The following NRXN1 variants were observed in gnomAD, a reference collection of about 807,000 sequenced individuals.
NRXN1 encodes the protein neurexin 1.
Under a neutral mutation model 150.9 loss-of-function variants are expected in NRXN1, and 39 were observed. That is an observed-to-expected ratio of 0.26 (90% CI 0.20 to 0.34). The LOEUF (loss-of-function observed/expected upper bound fraction) is 0.34, where lower values mean the gene tolerates loss of function less well. Ranked by LOEUF, NRXN1 falls within the 10% of genes least tolerant of loss-of-function variation. The probability of loss-of-function intolerance (pLI) is 1.00; values close to 1 mark genes in which losing one functional copy is unlikely to be tolerated. For missense variants in NRXN1, 1,815 were observed against 1,949.9 expected, an observed-to-expected ratio of 0.93 and a Z score of 1.30; for synonymous variants, 924 against 757.0, an observed-to-expected ratio of 1.22 and a Z score of -3.62.
At chr2:51,026,123 A>C (rs573801649) in intron 2 of NRXN1, among the ~76,000 whole-genome samples, 1 of 152,346 alleles carries the variant, frequency 6.6e-6, no homozygotes, top group Non-Finnish European at 1.5e-5. Flanking sequence ...AGATTTACAA[A>C]GGCTAGTTCC....
At chr2:50,514,000 T>C (rs1208588856) in intron 12 of NRXN1, among the ~76,000 whole-genome samples, 1 of 152,156 alleles carries the variant, frequency 6.6e-6, no homozygotes, top group Non-Finnish European at 1.5e-5. Context: ...CTGCTTCTGG[T>C]ATATATATAC....
chr2:50,968,775 AGTT>A (rs1487023909), intron 2 of NRXN1, among the ~76,000 whole-genome samples: 4 of 152,096 alleles, frequency 2.6e-5, no homozygotes, highest in Non-Finnish European at 2.9e-5. Flanking sequence ...AACACATAAT[AGTT>A]GAGTTTTGTC....
intron 17 of NRXN1, among the ~76,000 whole-genome samples, chr2:50,313,338 C>A (rs1359861428): frequency 6.6e-6 from 1 of 152,032 alleles, no homozygotes; most frequent in Non-Finnish European, 1.5e-5. Context: ...TAATATTGCT[C>A]CTCTGAGTGC....
At chr2:50,590,236 G>C (rs983224445) in intron 8 of NRXN1, among the ~76,000 whole-genome samples, 1 of 152,106 alleles carries the variant, frequency 6.6e-6, no homozygotes, top group South Asian at 2.1e-4. Flanking sequence ...ATTTTATCAA[G>C]ATTGTATTTA....
At chr2:50,652,575 T>C (rs1415465919) in intron 5 of NRXN1, among the ~76,000 whole-genome samples, 1 of 152,106 alleles carries the variant, frequency 6.6e-6, no homozygotes, top group Non-Finnish European at 1.5e-5. Context: ...ATACTACATT[T>C]TGCTTGCTCA....
chr2:50,695,524 T>C (rs1692696848), intron 5 of NRXN1, among the ~76,000 whole-genome samples: 1 of 152,206 alleles, frequency 6.6e-6, no homozygotes, highest in African/African-American at 2.4e-5. Context: ...CTCTTATTCA[T>C]AGTAAGTAAC....
chr2:50,687,689 A>G (rs900735376), intron 5 of NRXN1, among the ~76,000 whole-genome samples: 5 of 152,226 alleles, frequency 3.3e-5, no homozygotes, highest in African/African-American at 1.2e-4. Context: ...TTGAATATGC[A>G]GAGGCTTTTT....
At chr2:50,976,555 T>C (rs1462041279) in intron 2 of NRXN1, among the ~76,000 whole-genome samples, 1 of 152,000 alleles carries the variant, frequency 6.6e-6, no homozygotes, top group Non-Finnish European at 1.5e-5. Flanking sequence ...TGCTATTTAA[T>C]GTAAATTTGG....
At chr2:49,931,854 C>A (rs1670185357) in intron 22 of NRXN1, among the ~76,000 whole-genome samples, 2 of 152,086 alleles carry the variant, frequency 1.3e-5, no homozygotes, top group African/African-American at 2.4e-5. Context: ...GACTACAACA[C>A]CCAAAAATAT....
At chr2:50,326,627 T>C (rs978325786) in intron 17 of NRXN1, among the ~76,000 whole-genome samples, 4 of 152,210 alleles carry the variant, frequency 2.6e-5, no homozygotes, top group African/African-American at 7.2e-5. Context: ...GTAACACTAC[T>C]ATTTAGTGTT....
At chr2:50,635,279 T>C (rs955880833) in intron 5 of NRXN1, among the ~76,000 whole-genome samples, 22 of 150,558 alleles carry the variant, frequency 1.5e-4, no homozygotes, top group Non-Finnish European at 2.5e-4. Flanking sequence ...TGCCTCAGCC[T>C]CCCAAGTAGC....
chr2:49,947,822 T>C (rs1236866468), intron 21 of NRXN1, among the ~76,000 whole-genome samples: 1 of 152,082 alleles, frequency 6.6e-6, no homozygotes, highest in African/African-American at 2.4e-5. Flanking sequence ...GTATCTATTG[T>C]TACAAGGATG....
intron 8 of NRXN1, among the ~76,000 whole-genome samples, chr2:50,558,362 G>A (rs115093426): frequency 6.6e-6 from 1 of 152,074 alleles, no homozygotes; most frequent in Non-Finnish European, 1.5e-5. Context: ...ATTTGTCTTC[G>A]TTTTTGATAG....
intron 17 of NRXN1, among the ~76,000 whole-genome samples, chr2:50,256,606 T>C (rs555366004): frequency 7.2e-5 from 11 of 152,270 alleles, no homozygotes; most frequent in African/African-American, 2.6e-4. Flanking sequence ...ATTCCTGAGT[T>C]GGATTCTGCT....
At chr2:50,507,949 G>A (rs928722620) in intron 12 of NRXN1, among the ~76,000 whole-genome samples, 7 of 151,564 alleles carry the variant, frequency 4.6e-5, no homozygotes, top group African/African-American at 9.7e-5. Context: ...CAAGGATCAC[G>A]GGAGGATATA....
rs201576810 is a variant in NRXN1, at chr2:51,027,767, G to T, written c.507C>A (p.Leu169=). 1 of 1,612,520 alleles carries T rather than the reference G, an allele frequency of 6.2e-7. No homozygotes were observed. The highest frequency in any genetic ancestry group is 8.5e-7 in the Non-Finnish European group (1 of 1,179,334). ...PPELRAAALK[L]TLASVREREP... ...CCCGCTCCCTCACCGAGGCCAGGGT[G>T]AGCTTGAGCGCCGCGGCGCGCAGTT... The change falls in exon 2 of 23, where the codon CTC becomes CTA. Residue 169 remains leucine (L), a synonymous_variant. Coordinates refer to ENST00000401669, the MANE Select transcript of NRXN1 (RefSeq NM_001330078.2).
At chr2:50,926,019 G>T in intron 2 of NRXN1, 64 bp from the exon 3 acceptor site, 1 of 1,364,420 alleles carries the variant, frequency 7.3e-7, no homozygotes, top group Non-Finnish European at 1.0e-6. Context: ...ATGCAGACTG[G>T]ACCTTGCCTT....
At chr2:50,225,120 A>G (rs1224384919) in intron 18 of NRXN1, among the ~76,000 whole-genome samples, 1 of 151,960 alleles carries the variant, frequency 6.6e-6, no homozygotes, top group East Asian at 1.9e-4. Flanking sequence ...GAGGTTGTAA[A>G]TGGGAAGTCC....
Position 50,831,715 on chromosome 2 carries a change from C to A in NRXN1, c.832+90154G>T, listed in dbSNP as rs551698101. Among the ~76,000 whole-genome samples, 3 of 152,284 alleles carry A rather than the reference C, an allele frequency of 2.0e-5. No homozygotes were observed. The East Asian group carries it at 5.8e-4, about 29-fold the overall frequency. On this transcript the variant is annotated intron_variant, in intron 5 of 22. Transcript: ENST00000401669. ...CGTTACACCTACCCTCATATTTGGACTGAATTTCCAGCCTTGTAACAAGAG... is the reference window on the plus strand; with the variant it reads ...CGTTACACCTACCCTCATATTTGGAATGAATTTCCAGCCTTGTAACAAGAG...
Sources: allele counts gnomAD v4.1 joint callset (sites outside exome capture counted in the v4.1 genomes callset), GRCh38; gene constraint gnomAD v4.1.1; transcripts MANE v1.5; gene names NCBI Gene and HGNC (gene_info 2026-07-23, HGNC 2026-07-21).